The following MBNL3 variants were observed in gnomAD, a reference collection of about 807,000 sequenced individuals.
MBNL3 encodes muscleblind-like protein 3.
In MBNL3, 6 loss-of-function variants were observed where a neutral mutation model predicts 24.5. That is an observed-to-expected ratio of 0.25 (90% CI 0.13 to 0.48). The LOEUF is 0.48. Among genes scored for constraint, MBNL3 ranks in the 20% least tolerant of loss-of-function variants. MBNL3 has a pLI of 0.99. For synonymous variants in MBNL3, 100 were observed against 101.7 expected, an observed-to-expected ratio of 0.98 and a Z score of 0.10; for missense variants, 230 against 293.5, an observed-to-expected ratio of 0.78 and a Z score of 1.58.
intron 1 of MBNL3, among the ~76,000 whole-genome samples, chrX:132,443,092 C>G (rs1298262767): frequency 8.9e-6 from 1 of 112,163 alleles, no homozygotes; most frequent in Admixed American, 9.5e-5. Flanking sequence ...TTATAGTCCT[C>G]TAAAGCAGAA....
chrX:132,394,971 A>G (rs1937801675), intron 3 of MBNL3, among the ~76,000 whole-genome samples: 3 of 112,316 alleles, frequency 2.7e-5, no homozygotes, highest in South Asian at 7.3e-4. Context: ...ACCACAAACT[A>G]TGCTATCTTT....
In MBNL3 at chrX:132,376,215, T is replaced by C. The variant is rs940079737; in HGVS notation, c.*3451A>G. The C allele has an allele frequency of 1.8e-5, 2 of 111,115 alleles. No homozygotes were observed. Among genetic ancestry groups the C allele is most frequent in the African/African-American group, 3.3e-5 (1 of 30,702 alleles). 9.2% of individuals were successfully genotyped at this position (111,115 alleles called of 1,213,427 possible). ...TGATGGAGTAGAGAGAAGATGACTTTCCACATCATGATTAACTACAAATTA... is the reference window on the plus strand; with the variant it reads ...TGATGGAGTAGAGAGAAGATGACTTCCCACATCATGATTAACTACAAATTA... On this transcript the variant is annotated 3_prime_UTR_variant, in exon 9 of 9. Transcript: ENST00000370853.
At chrX:132,397,173 G>C (rs999078769) in intron 3 of MBNL3, among the ~76,000 whole-genome samples, 7 of 107,243 alleles carry the variant, frequency 6.5e-5, no homozygotes, top group Non-Finnish European at 1.3e-4. Context: ...AATAGTAGTT[G>C]GAATCCTGTA....
At chrX:132,411,072 G>C in intron 2 of MBNL3, 1 of 691,971 alleles carries the variant, frequency 1.4e-6, no homozygotes, top group Non-Finnish European at 1.7e-6. Flanking sequence ...AGAGGGAAAA[G>C]TCTTTAATAA....
intron 5 of MBNL3, among the ~76,000 whole-genome samples, chrX:132,388,082 C>T (rs183000831): frequency 9.0e-6 from 1 of 111,625 alleles, no homozygotes; most frequent in Admixed American, 9.5e-5. Context: ...ACTATCCTAC[C>T]ATGTGTCCAA....
chrX:132,464,251 T>C (rs188756746), intron 1 of MBNL3, among the ~76,000 whole-genome samples: 35 of 112,544 alleles, frequency 3.1e-4, no homozygotes, highest in South Asian at 7.3e-4. Flanking sequence ...ATACTTTTCT[T>C]AACACTGAAT....
chrX:132,390,932 C>G lies in MBNL3; in HGVS notation c.686G>C (p.Cys229Ser). 1 of 1,211,379 alleles carries G rather than the reference C, an allele frequency of 8.3e-7. No individual in the cohort carries two copies. Among genetic ancestry groups the G allele is most frequent in the Non-Finnish European group, 1.1e-6 (1 of 895,337 alleles). Residue 229 changes from cysteine to serine, a missense_variant, in exon 5 of 9, where the codon TGC becomes TCC. Cys to Ser is a moderately radical substitution (Grantham distance 112). Coordinates refer to ENST00000370853, the MANE Select transcript of MBNL3 (RefSeq NM_001386889.1). ...GTGTGCAGGAGGATGAAAGTACTTG[C>G]ATTTCTCCCGCGAGCATCGACCTTT... is the stretch of plus-strand genomic sequence containing the variant. ...YIKGRCSREK[C>S]KYFHPPAHLQ...
intron 1 of MBNL3, among the ~76,000 whole-genome samples, chrX:132,462,389 C>CTAT (rs1360518296): frequency 8.9e-6 from 1 of 112,352 alleles, no homozygotes; most frequent in Admixed American, 9.5e-5. Flanking sequence ...TAGAAATAGA[C>CTAT]TATTGGCCTC....
intron 2 of MBNL3, among the ~76,000 whole-genome samples, chrX:132,416,444 A>G (rs954383940): frequency 8.9e-6 from 1 of 111,850 alleles, no homozygotes; most frequent in African/African-American, 3.3e-5. Context: ...GGGTAGTGAG[A>G]AGGGGTTTAT....
rs907159021 is a variant in MBNL3 at position 132,392,054 on chromosome X, T to C, written c.534+89A>G. 1.1e-5 allele frequency: 10 copies of C among 894,986 alleles called. No homozygotes were observed. In the South Asian group the frequency reaches 2.1e-4, roughly 19 times the overall value. 73.8% of individuals were successfully genotyped at this position (894,986 alleles called of 1,213,427 possible). ...GCTAAGAAATTTGGGTTCTCTTATT[T>C]AAAACAACACACTGGGCTCTGAGAA... On this transcript the variant is annotated intron_variant, in intron 4 of 8. Transcript: ENST00000370853.
chrX:132,443,268 A>T (rs1247194603), intron 1 of MBNL3, among the ~76,000 whole-genome samples: 1 of 111,987 alleles, frequency 8.9e-6, no homozygotes, highest in Admixed American at 9.5e-5. Flanking sequence ...TAAATTACTT[A>T]TTCGAAGTTA....
In MBNL3 at chrX:132,479,338, A is replaced by G. The variant is rs143222207; in HGVS notation, c.-704+9513T>C. ...TGTTTGTAAATATTCAGGCCAATCT[A>G]CTTACAAAAAACGTTGTTTGTTCTT... On this transcript the variant is annotated intron_variant, in intron 1 of 8. Transcript: ENST00000370853. 7.4e-3 allele frequency among the ~76,000 whole-genome samples: 838 copies of G among 112,765 alleles called. 8 individuals are homozygous for G. The highest frequency in any genetic ancestry group is 0.026 in the African/African-American group (796 of 31,057).
chrX:132,410,835 A>G (rs182578180), intron 2 of MBNL3, among the ~76,000 whole-genome samples: 1 of 112,285 alleles, frequency 8.9e-6, no homozygotes, highest in African/African-American at 3.2e-5. Context: ...GAAAAACCTG[A>G]GTCAAGATCA....
chrX:132,464,537 T>C (rs780686622), intron 1 of MBNL3, among the ~76,000 whole-genome samples: 1 of 111,949 alleles, frequency 8.9e-6, no homozygotes, highest in African/African-American at 3.2e-5. Context: ...AGGTGGGAAC[T>C]CAGAAGTGAA....
At chrX:132,437,305 T>C (rs1350692627) in intron 2 of MBNL3, among the ~76,000 whole-genome samples, 2 of 111,610 alleles carry the variant, frequency 1.8e-5, no homozygotes, top group Non-Finnish European at 3.8e-5. Context: ...GAACAACTAA[T>C]AACACACAGC....
At chrX:132,402,781 T>C (rs1941153161) in intron 3 of MBNL3, among the ~76,000 whole-genome samples, 1 of 112,080 alleles carries the variant, frequency 8.9e-6, no homozygotes, top group African/African-American at 3.2e-5. Context: ...CTTTTATTCA[T>C]TGTTCAGTCA....
chrX:132,430,743 G>A (rs770832520), intron 2 of MBNL3: 8 of 111,488 alleles, frequency 7.2e-5, no homozygotes, highest in Non-Finnish European at 5.7e-5. Context: ...CATCTGCTGG[G>A]TTTCTCCACT....
chrX:132,413,856 G>A (rs760211769), intron 2 of MBNL3, among the ~76,000 whole-genome samples: 2 of 112,076 alleles, frequency 1.8e-5, no homozygotes, highest in South Asian at 7.4e-4. Context: ...TATATGAGGT[G>A]TTACATAAAG....
At chrX:132,415,990 A>C (rs1943255845) in intron 2 of MBNL3, among the ~76,000 whole-genome samples, 1 of 111,254 alleles carries the variant, frequency 9.0e-6, no homozygotes, top group Admixed American at 9.6e-5. Context: ...TAAAAAAAAA[A>C]CAGTATGGAG....
Sources: allele counts gnomAD v4.1 joint callset (sites outside exome capture counted in the v4.1 genomes callset), GRCh38; gene constraint gnomAD v4.1.1; transcripts MANE v1.5; gene names NCBI Gene and HGNC (gene_info 2026-07-23, HGNC 2026-07-21).